DOCK8: variants seen among roughly 807,000 people sequenced by gnomAD.
DOCK8 encodes the protein dedicator of cytokinesis protein 8.
Under a neutral mutation model 245.6 loss-of-function variants are expected in DOCK8, and 141 were observed. The ratio of observed to expected loss-of-function variants is 0.57; its 90% CI spans 0.50 to 0.66. The LOEUF (loss-of-function observed/expected upper bound fraction) is 0.66. DOCK8 is among the 30% of genes least tolerant of loss of function. The pLI is 0.00. For synonymous variants in DOCK8, 1,168 were observed against 970.2 expected, an observed-to-expected ratio of 1.20 and a Z score of -3.79; for missense variants, 2,965 against 2,603.4, an observed-to-expected ratio of 1.14 and a Z score of -3.02.
intron 6 of DOCK8, 175 bp downstream of exon 6, chr9:312,341 A>T (rs768709046): frequency 1.3e-6 from 1 of 748,230 alleles, no homozygotes; most frequent in South Asian, 1.5e-5. Flanking sequence ...CAGAGCCATT[A>T]TTGATTATCA....
At chr9:283,564 C>G (rs1364273795) in intron 2 of DOCK8, among the ~76,000 whole-genome samples, 4 of 152,168 alleles carry the variant, frequency 2.6e-5, no homozygotes, top group Non-Finnish European at 5.9e-5. Flanking sequence ...CTTCCCACCT[C>G]TCCAAGCCTT....
chr9:453,084 A>G (rs2057518084), intron 46 of DOCK8: 2 of 152,388 alleles, frequency 1.3e-5, no homozygotes, highest in South Asian at 4.1e-4. Flanking sequence ...TGCTAAATTC[A>G]GTGAAAACTC....
Position 439,319 on chromosome 9 carries a change from C to T in DOCK8, c.5154C>T (p.Cys1718=), listed in dbSNP as rs140431229. 9.9e-4 allele frequency: 1,597 copies of T among 1,614,116 alleles called. 14 individuals are homozygous for T. In the African/African-American group the frequency reaches 0.016, roughly 17 times the overall value. Residue 1718 remains cysteine (C), a synonymous_variant, in exon 40 of 48, where the codon TGC becomes TGT. Transcript: ENST00000432829. ...TGTCACCTGACGAGGATGGGGTGTG[C>T]GCAGGCCAGTACTTCACCGAGAGTG... ...DTLSPDEDGV[C]AGQYFTESGL...
At chr9:306,205 C>A (rs554263501) in intron 5 of DOCK8, among the ~76,000 whole-genome samples, 1 of 152,136 alleles carries the variant, frequency 6.6e-6, no homozygotes, top group Non-Finnish European at 1.5e-5. Context: ...GGAAATGATT[C>A]GAGGTTTTTA....
rs1268171943 is a variant in DOCK8, at chr9:400,947, T to TCCAC, written c.3234+1689_3234+1690insCACC. Among the ~76,000 whole-genome samples, 3 of 28,554 alleles carry TCCAC rather than the reference T, an allele frequency of 1.1e-4. 1 individual carries two copies. Among genetic ancestry groups the TCCAC allele is most frequent in the Non-Finnish European group, 1.6e-4 (3 of 19,152 alleles). The allele number at this position is 28,554 out of a possible 152,430, so 18.7% of individuals were successfully genotyped here. ...ATCACCACAACATCCACCACCACCA[T>TCCAC]CACCACCACCACCACCACCTCCTCC... On this transcript the variant is annotated intron_variant, in intron 26 of 47. Transcript: ENST00000432829.
chr9:417,185 C>T lies in DOCK8; in HGVS notation c.3701-883C>T, dbSNP rs945831917. ...TGGCGCACCTGTAATCCCAGCTACT[C>T]GGGAGGCTGAGGTAGGAGGATGGAG... is the stretch of plus-strand genomic sequence containing the variant. On this transcript the variant is annotated intron_variant, in intron 29 of 47. Transcript: ENST00000432829. Among the ~76,000 whole-genome samples, 4 of 151,990 alleles carry T rather than the reference C, an allele frequency of 2.6e-5. No individual in the cohort carries two copies. The East Asian group carries it at 5.8e-4, about 22-fold the overall frequency.
intron 33 of DOCK8, among the ~76,000 whole-genome samples, chr9:424,687 G>A (rs920168025): frequency 2.0e-5 from 3 of 152,166 alleles, no homozygotes; most frequent in Admixed American, 2.0e-4. Context: ...TGGGATTACA[G>A]GCATGAGCCA....
At chr9:251,157 C>A (rs963903570) in intron 1 of DOCK8, among the ~76,000 whole-genome samples, 2 of 152,254 alleles carry the variant, frequency 1.3e-5, no homozygotes, top group Non-Finnish European at 2.9e-5. Flanking sequence ...CCTGCCCCAT[C>A]CCACATTCTA....
At position 426,756 on chromosome 9, in the gene DOCK8, A is replaced by G. The variant is rs188143718; in HGVS notation, c.4242-129A>G. 506 of 750,246 alleles carry G rather than the reference A, an allele frequency of 6.7e-4. 2 individuals are homozygous for G. In the African/African-American group the frequency reaches 7.8e-3, roughly 11 times the overall value. 46.5% of individuals were successfully genotyped at this position (750,246 alleles called of 1,614,324 possible). A position where few individuals can be genotyped will look rare whatever the true frequency, so the allele number is the denominator to read the frequency against. ...ACCTGCACTGTAGTTACTCAGGGCCAGTTGCTCTGTTTTCATTTCAAGGTT... is the reference window on the plus strand; with the variant it reads ...ACCTGCACTGTAGTTACTCAGGGCCGGTTGCTCTGTTTTCATTTCAAGGTT... On this transcript the variant is annotated intron_variant, in intron 33 of 47. Transcript: ENST00000432829.
In DOCK8 at chr9:215,032, A is replaced by G; in HGVS notation, c.53+3A>G. Reference sequence around the variant, plus strand: ...GCGTTCGCGCTCAAGATCAACAGGTAAGACGCCCCCCGCGGCGCGCAGGTT... The same window carrying G: ...GCGTTCGCGCTCAAGATCAACAGGTGAGACGCCCCCCGCGGCGCGCAGGTT... On this transcript the variant is annotated splice_donor_region_variant and intron_variant, in intron 1 of 47. Coordinates refer to ENST00000432829, the MANE Select transcript of DOCK8 (RefSeq NM_203447.4). 6.3e-7 allele frequency: 1 copy of G among 1,580,644 alleles called. No individual in the cohort carries two copies. Among genetic ancestry groups the G allele is most frequent in the Middle Eastern group, 1.7e-4 (1 of 5,890 alleles).
chr9:356,455 A>G (rs2052451071), intron 14 of DOCK8, among the ~76,000 whole-genome samples: 3 of 151,046 alleles, frequency 2.0e-5, no homozygotes, highest in African/African-American at 7.3e-5. Flanking sequence ...GCGTGAACCC[A>G]GGAGGCAGAG....
intron 1 of DOCK8, 145 bp from the exon 2 acceptor site, chr9:271,482 G>A (rs1411762871): frequency 1.5e-6 from 1 of 653,964 alleles, no homozygotes; most frequent in East Asian, 2.8e-5. Context: ...TCCACTAACA[G>A]GCCACTGAAA....
chr9:272,735 A>G (rs906847550), intron 2 of DOCK8, among the ~76,000 whole-genome samples: 5 of 152,166 alleles, frequency 3.3e-5, no homozygotes, highest in Non-Finnish European at 7.3e-5. Context: ...GATTGCCTAC[A>G]TTTTTATATC....
At chr9:337,387 C>G (rs1430136081) in intron 12 of DOCK8, among the ~76,000 whole-genome samples, 1 of 152,212 alleles carries the variant, frequency 6.6e-6, no homozygotes, top group African/African-American at 2.4e-5. Context: ...GCTATTTTAA[C>G]TGAGAGAAGG....
In DOCK8 at chr9:418,119, G is replaced by T; in HGVS notation, c.3752G>T (p.Gly1251Val). Residue 1251 changes from glycine to valine, a missense_variant, in exon 30 of 48, where the codon GGA becomes GTA. Transcript: ENST00000432829. ...AGTGGCTCGGATGAAGAACAAGAAG[G>T]AGCCGGTGCCATTAACCAGAATGTG... ...RTSGSDEEQE[G>V]AGAINQNVAL... The T allele has an allele frequency of 5.0e-6, 8 of 1,614,200 alleles. No homozygotes were observed. The highest frequency in any genetic ancestry group is 6.8e-6 in the Non-Finnish European group (8 of 1,180,030).
At chr9:238,756 C>A (rs2047318059) in intron 1 of DOCK8, among the ~76,000 whole-genome samples, 1 of 152,134 alleles carries the variant, frequency 6.6e-6, no homozygotes, top group East Asian at 1.9e-4. Context: ...CAAAAGACTC[C>A]TAATATTAAA....
At chr9:288,396 G>C (rs1163485977) in intron 3 of DOCK8, among the ~76,000 whole-genome samples, 1 of 152,178 alleles carries the variant, frequency 6.6e-6, no homozygotes, top group East Asian at 1.9e-4. Context: ...CACTTGCTGT[G>C]TGACTTGGAA....
chr9:431,860 T>C lies in DOCK8; in HGVS notation c.4627-306T>C, dbSNP rs1329376. On this transcript the variant is annotated intron_variant, in intron 36 of 47. Transcript: ENST00000432829. ...AAACTCTTGGCACAAAAGGATATAC[T>C]GTATTCTTGGACCCAACTTTATAAG... is the stretch of plus-strand genomic sequence containing the variant. Among the ~76,000 whole-genome samples the C allele has an allele frequency of 0.69, 105,322 of 151,570 alleles. 37,942 individuals carry two copies. Among genetic ancestry groups the C allele is most frequent in the East Asian group, 0.98 (5,050 of 5,146 alleles).
chr9:443,495 A>C lies in DOCK8; in HGVS notation c.5559A>C (p.Lys1853Asn), dbSNP rs2057155921. Residue 1853 changes from lysine (K) to asparagine (N), a missense_variant, in exon 43 of 48, where the codon AAA becomes AAC. Lys to Asn is a moderately conservative substitution (Grantham distance 94, BLOSUM62 0). Transcript: ENST00000432829. ...TTAAAGACTCCACTCCTGTGGACAA[A>C]ACCAAGTTGGATCCTAACAAGGTAT... ...EVIKDSTPVD[K>N]TKLDPNKAYI... 1 of 1,613,894 alleles carries C rather than the reference A, an allele frequency of 6.2e-7. No homozygotes were observed. The highest frequency in any genetic ancestry group is 1.3e-5 in the African/African-American group (1 of 74,904).
Sources: allele counts gnomAD v4.1 joint callset (sites outside exome capture counted in the v4.1 genomes callset), GRCh38; gene constraint gnomAD v4.1.1; transcripts MANE v1.5; gene names NCBI Gene and HGNC (gene_info 2026-07-23, HGNC 2026-07-21).